GATAD2B: variants seen among roughly 807,000 people sequenced by gnomAD.
GATAD2B encodes the protein GATA zinc finger domain containing 2B, also known as transcriptional repressor p66-beta.
In GATAD2B, 8 loss-of-function variants were observed where a neutral mutation model predicts 64.3. That is an observed-to-expected ratio of 0.12 (90% CI 0.07 to 0.22). The LOEUF (loss-of-function observed/expected upper bound fraction) is 0.22, where lower values mean the gene tolerates loss of function less well. Among genes scored for constraint, GATAD2B ranks in the 10% least tolerant of loss-of-function variants. GATAD2B has a pLI of 1.00. For synonymous variants in GATAD2B, 281 were observed against 271.3 expected, an observed-to-expected ratio of 1.04 and a Z score of -0.35; for missense variants, 453 against 752.0, an observed-to-expected ratio of 0.60 and a Z score of 4.65.
In GATAD2B at chr1:153,864,150, C is replaced by T. The variant is rs141545327; in HGVS notation, c.-1-35802G>A. 1.9e-3 allele frequency among the ~76,000 whole-genome samples: 287 copies of T among 152,254 alleles called. 2 individuals are homozygous for T. Among genetic ancestry groups the T allele is most frequent in the African/African-American group, 6.5e-3 (271 of 41,562 alleles). ...CACATACTTGAGAGCCTCTTCTTCC[C>T]AGACAAAACATGTTGTAAGTGATAC... On this transcript the variant is annotated intron_variant, in intron 1 of 10. Transcript: ENST00000368655.
At position 153,816,226 on chromosome 1, in the gene GATAD2B, T is replaced by A; in HGVS notation, c.1216+47A>T. 1 of 1,297,382 alleles carries A rather than the reference T, an allele frequency of 7.7e-7. No homozygotes were observed. The highest frequency in any genetic ancestry group is 1.1e-6 in the Non-Finnish European group (1 of 899,992). 80.4% of individuals were successfully genotyped at this position (1,297,382 alleles called of 1,614,324 possible). ...GATACTCTGCCTATGTCAATCAGGC[T>A]TGGCAACCACTTGCTTAAATAGATT... On this transcript the variant is annotated intron_variant, in intron 7 of 10. Transcript: ENST00000368655. The surrounding 1 kb of genome is among the most constrained non-coding windows in gnomAD (Gnocchi z 4.9).
intron 1 of GATAD2B, among the ~76,000 whole-genome samples, chr1:153,912,334 G>A (rs755881285): frequency 6.2e-4 from 94 of 152,106 alleles, no homozygotes; most frequent in Non-Finnish European, 9.7e-4. Context: ...GCAAGAATCC[G>A]TCTCAAAATA....
intron 1 of GATAD2B, among the ~76,000 whole-genome samples, chr1:153,839,132 A>C (rs1675383237): frequency 8.1e-6 from 1 of 124,046 alleles, no homozygotes; most frequent in African/African-American, 2.8e-5. Context: ...AAAAAAAAAA[A>C]AAGAAAGTTT....
chr1:153,848,941 A>C (rs1157424833), intron 1 of GATAD2B, among the ~76,000 whole-genome samples: 1 of 151,258 alleles, frequency 6.6e-6, no homozygotes, highest in African/African-American at 2.4e-5. Context: ...CAACAGCGAG[A>C]CTCATCTCAA....
At chr1:153,852,998 C>T (rs1160774205) in intron 1 of GATAD2B, 3 of 1,113,346 alleles carry the variant, frequency 2.7e-6, no homozygotes, top group Non-Finnish European at 4.1e-6. Flanking sequence ...GTCACTACCC[C>T]TTTGGTCTTG....
At position 153,812,072 on chromosome 1, in the gene GATAD2B, A is replaced by G. The variant is rs748610133; in HGVS notation, c.1480T>C (p.Ser494Pro). Reference protein sequence around the residue: ...ALSPTTAPAVSSVSKQETIMR... With the variant: ...ALSPTTAPAVPSVSKQETIMR... ...ATGGTCTCTTGTTTACTGACACTGGACACAGCTGGAGCCGTAGTGGGGGAG... is the reference window on the plus strand; with the variant it reads ...ATGGTCTCTTGTTTACTGACACTGGGCACAGCTGGAGCCGTAGTGGGGGAG... The change falls in exon 9 of 11, where the codon TCC (serine) becomes CCC (proline). Residue 494 changes from serine (S) to proline (P), a missense_variant. Ser to Pro is a moderately conservative substitution (Grantham distance 74, BLOSUM62 -1). This residue lies in a region of GATAD2B where 160 missense variants were observed against 334.7 expected (regional missense o/e 0.48). Transcript: ENST00000368655. 3 of 1,613,250 alleles carry G rather than the reference A, an allele frequency of 1.9e-6. No individual in the cohort carries two copies. The highest frequency in any genetic ancestry group is 2.5e-6 in the Non-Finnish European group (3 of 1,179,566).
intron 2 of GATAD2B, among the ~76,000 whole-genome samples, chr1:153,825,993 A>T (rs1182806301): frequency 7.0e-6 from 1 of 142,512 alleles, no homozygotes; most frequent in African/African-American, 2.5e-5. Context: ...TTTCTGAACT[A>T]TTTATAAACT....
At chr1:153,861,550 T>C (rs556061227) in intron 1 of GATAD2B, among the ~76,000 whole-genome samples, 8 of 150,970 alleles carry the variant, frequency 5.3e-5, no homozygotes, top group South Asian at 2.1e-4. Flanking sequence ...CACTTTGGGA[T>C]TGATGGGAGG....
At chr1:153,904,753 G>A (rs1677875228) in intron 1 of GATAD2B, among the ~76,000 whole-genome samples, 1 of 151,968 alleles carries the variant, frequency 6.6e-6, no homozygotes, top group African/African-American at 2.4e-5. Flanking sequence ...TGTCACCCAG[G>A]CTGGAGTGCA....
intron 2 of GATAD2B, among the ~76,000 whole-genome samples, chr1:153,823,692 T>C (rs1157969844): frequency 6.6e-6 from 1 of 151,534 alleles, no homozygotes; most frequent in African/African-American, 2.4e-5. Context: ...TGGTTCTCCT[T>C]GCTGGGAATC....
chr1:153,886,731 T>C (rs554815329), intron 1 of GATAD2B, among the ~76,000 whole-genome samples: 2 of 151,682 alleles, frequency 1.3e-5, no homozygotes, highest in East Asian at 3.9e-4. Flanking sequence ...TTTTTTTTTT[T>C]CGTATTTTTA....
intron 1 of GATAD2B, among the ~76,000 whole-genome samples, chr1:153,855,780 A>T (rs1557806128): frequency 6.6e-6 from 1 of 151,912 alleles, no homozygotes; most frequent in African/African-American, 2.4e-5. Flanking sequence ...AGCTCAAGCG[A>T]TTCTCCCACC....
In GATAD2B at chr1:153,806,982, C is replaced by T. The variant is rs1674131187; in HGVS notation, c.*3195G>A. On this transcript the variant is annotated 3_prime_UTR_variant, in exon 11 of 11. Coordinates refer to ENST00000368655, the MANE Select transcript of GATAD2B (RefSeq NM_020699.4). ...AAAAATTGTCTACCATACATATATCCAAAAATGTGGGAAAAATACTTATTC... is the reference window on the plus strand; with the variant it reads ...AAAAATTGTCTACCATACATATATCTAAAAATGTGGGAAAAATACTTATTC... 6.6e-6 allele frequency: 1 copy of T among 151,998 alleles called. No homozygotes were observed. 9.4% of individuals were successfully genotyped at this position (151,998 alleles called of 1,614,324 possible).
intron 1 of GATAD2B, among the ~76,000 whole-genome samples, chr1:153,837,036 C>T (rs760989029): frequency 1.3e-5 from 2 of 152,310 alleles, no homozygotes; most frequent in South Asian, 2.1e-4. Context: ...TTTGTCTTTA[C>T]TAATCTATAA....
At chr1:153,918,389 T>G (rs982041327) in intron 1 of GATAD2B, among the ~76,000 whole-genome samples, 2 of 152,204 alleles carry the variant, frequency 1.3e-5, no homozygotes, top group Non-Finnish European at 2.9e-5. Flanking sequence ...AGTTTGAGTT[T>G]AAATACTCTA....
Position 153,839,108 on chromosome 1 carries a change from CAAAAAAAAAAAAAAAAAAA to C in GATAD2B, c.-1-10779_-1-10761del, listed in dbSNP as rs35262137. Among the ~76,000 whole-genome samples the C allele has an allele frequency of 1.3e-4, 10 of 78,568 alleles. No homozygotes were observed. In the East Asian group the frequency reaches 4.8e-3, roughly 38 times the overall value. 51.5% of individuals were successfully genotyped at this position (78,568 alleles called of 152,430 possible). On this transcript the variant is annotated intron_variant, in intron 1 of 10. Transcript: ENST00000368655. ...TGGGTGACAGAACGAGACCCTGTCT[CAAAAAAAAAAAAAAAAAAA>C]AAAAAAAGAAAGTTTAAGGAAGAGA...
intron 1 of GATAD2B, among the ~76,000 whole-genome samples, chr1:153,900,940 G>C (rs931392987): frequency 6.6e-6 from 1 of 151,938 alleles, no homozygotes; most frequent in Non-Finnish European, 1.5e-5. Context: ...CTGGCCAGGC[G>C]TGGTGGTTTA....
At chr1:153,902,503 C>T (rs1051266585) in intron 1 of GATAD2B, among the ~76,000 whole-genome samples, 27 of 152,122 alleles carry the variant, frequency 1.8e-4, no homozygotes, top group African/African-American at 5.5e-4. Context: ...CACCCAGGCT[C>T]GAGTGAAGTG....
chr1:153,816,141 G>A lies in GATAD2B; in HGVS notation c.1216+132C>T, dbSNP rs1674474830. The A allele has an allele frequency of 9.5e-6, 6 of 631,072 alleles. No individual in the cohort carries two copies. In the East Asian group the frequency reaches 1.6e-4, roughly 17 times the overall value. 39.1% of individuals were successfully genotyped at this position (631,072 alleles called of 1,614,324 possible). ...GTTGCTCCCAAACAGCTGTAAAGAAGGGAGGGAGGTGGTTTGGTAACAGGA... is the reference window on the plus strand; with the variant it reads ...GTTGCTCCCAAACAGCTGTAAAGAAAGGAGGGAGGTGGTTTGGTAACAGGA... On this transcript the variant is annotated intron_variant, in intron 7 of 10. Transcript: ENST00000368655. This position sits in a 1 kb window ranked among gnomAD's most constrained non-coding sequence, Gnocchi z 4.9.
Sources: allele counts gnomAD v4.1 joint callset (sites outside exome capture counted in the v4.1 genomes callset), GRCh38; gene constraint gnomAD v4.1.1; regional missense constraint gnomAD v4.1.1; non-coding constraint Gnocchi (gnomAD v3.1); transcripts MANE v1.5; gene names NCBI Gene and HGNC (gene_info 2026-07-23, HGNC 2026-07-21).